GBP1: variants seen among roughly 807,000 people sequenced by gnomAD.
GBP1 encodes guanylate binding protein 1.
GBP1 carries 64 observed loss-of-function variants against 69.5 expected under a neutral mutation model. That is an observed-to-expected ratio of 0.92 (90% confidence interval 0.75 to 1.13). GBP1 has a LOEUF of 1.13. GBP1 is among the 50% of genes most tolerant of loss of function. The probability of loss-of-function intolerance (pLI) is 0.00; values close to 1 mark genes in which losing one functional copy is unlikely to be tolerated. For missense variants in GBP1, 630 were observed against 704.1 expected (o/e 0.89, Z 1.19); for synonymous variants, 250 against 261.2 (o/e 0.96, Z 0.41).
chr1:89,064,234 TGTGTGTGAGAGAGAGA>T (rs1290873805), intron 1 of GBP1, among the ~76,000 whole-genome samples: 10 of 116,462 alleles, frequency 8.6e-5, no homozygotes, highest in African/African-American at 3.3e-4. Context: ...TGTGTGTGTG[TGTGTGTGAGAGAGAGA>T]GAGAGAGAGA....
At chr1:89,060,585 A>G (rs1396891954) in intron 2 of GBP1, among the ~76,000 whole-genome samples, 2 of 152,158 alleles carry the variant, frequency 1.3e-5, no homozygotes, top group East Asian at 1.9e-4. Context: ...TGTATTAAAA[A>G]CCCACAGCTA....
chr1:89,059,052 C>T lies in GBP1; in HGVS notation c.429-9G>A, dbSNP rs771959249. ...TCAGCTCTGTCACATAGCTGAGTAG[C>T]TAACTAAGGAAATGTGACAAAATGA... On this transcript the variant is annotated splice_polypyrimidine_tract_variant and intron_variant, in intron 4 of 10. Coordinates refer to ENST00000370473, the MANE Select transcript of GBP1 (RefSeq NM_002053.3). The T allele has an allele frequency of 1.2e-5, 20 of 1,613,904 alleles. No homozygotes were observed. Among genetic ancestry groups the T allele is most frequent in the South Asian group, 3.3e-5 (3 of 91,078 alleles).
chr1:89,059,088 C>T (rs1394361669), intron 4 of GBP1, 45 bp from the exon 5 acceptor site: 6 of 1,611,898 alleles, frequency 3.7e-6, no homozygotes, highest in Non-Finnish European at 5.1e-6. Context: ...ACAGGGACCT[C>T]ATCCCATGTT....
intron 5 of GBP1, 113 bp downstream of exon 5, chr1:89,058,726 AGC>A (rs1467038706): frequency 1.3e-5 from 13 of 990,852 alleles, no homozygotes; most frequent in Non-Finnish European, 2.0e-5. Context: ...TTCTAGGAAT[AGC>A]CAGCTGAAGA....
rs138810487 is a variant in GBP1, at chr1:89,053,392, G to C, written c.1742C>G (p.Thr581Arg). The change falls in exon 11 of 11, where the codon ACG becomes AGG. Residue 581 changes from threonine to arginine, a missense_variant. Transcript: ENST00000370473. ...IMKNEIQDLQ[T>R]KMRRRKACTI... ...ACATGCCTTTCGTCGTCTCATTTTC[G>C]TCTGGAGATCCTGTATCTCATTTTT... 6.2e-7 allele frequency: 1 copy of C among 1,613,584 alleles called. No homozygotes were observed. The highest frequency in any genetic ancestry group is 2.2e-5 in the East Asian group (1 of 44,858).
At chr1:89,055,935 A>G (rs1271339285) in intron 8 of GBP1, 81 bp downstream of exon 8, 23 of 1,513,374 alleles carry the variant, frequency 1.5e-5, no homozygotes, top group Middle Eastern at 1.7e-4. Flanking sequence ...GCACATCTGT[A>G]TGCAGTGAAG....
At chr1:89,059,525 T>A in intron 3 of GBP1, 99 bp from the exon 4 acceptor site, 1 of 1,247,976 alleles carries the variant, frequency 8.0e-7, no homozygotes, top group Non-Finnish European at 1.1e-6. Flanking sequence ...TAGAGGGTTT[T>A]TTTTTCTTTT....
chr1:89,060,452 C>T, intron 2 of GBP1, 128 bp from the exon 3 acceptor site: 2 of 742,310 alleles, frequency 2.7e-6, no homozygotes, highest in East Asian at 3.3e-5. Context: ...ACCTTACGTA[C>T]TTACAATCAA....
intron 6 of GBP1, 49 bp from the exon 7 acceptor site, chr1:89,057,183 C>T (rs1423296462): frequency 6.2e-7 from 1 of 1,606,774 alleles, no homozygotes. Flanking sequence ...AAGAAAGTCT[C>T]TATTCCATGT....
chr1:89,055,306 A>T, intron 8 of GBP1, 91 bp from the exon 9 acceptor site: 1 of 1,579,350 alleles, frequency 6.3e-7, no homozygotes, highest in South Asian at 1.2e-5. Flanking sequence ...CTCCTCTGGG[A>T]ATTCTTTCTC....
intron 2 of GBP1, 70 bp from the exon 3 acceptor site, chr1:89,060,394 T>G (rs1680150630): frequency 7.3e-7 from 1 of 1,378,250 alleles, no homozygotes; most frequent in Non-Finnish European, 9.7e-7. Flanking sequence ...AAGGAAAAAG[T>G]AGTATATTTA....
chr1:89,064,319 A>G (rs1002119203), intron 1 of GBP1, among the ~76,000 whole-genome samples: 1 of 151,808 alleles, frequency 6.6e-6, no homozygotes, highest in Non-Finnish European at 1.5e-5. Context: ...GTGTCTTGAC[A>G]AGGCATTCAG....
chr1:89,063,225 C>G lies in GBP1; in HGVS notation c.10G>C (p.Glu4Gln). Residue 4 changes from glutamate to glutamine, a missense_variant, in exon 2 of 11, where the codon GAG becomes CAG. This residue lies in a region of GBP1 where 131 missense variants were observed against 138.5 expected (regional missense o/e 0.95). Transcript: ENST00000370473. ...CACATTGGGCCTGTCATGTGGATCT[C>G]TGATGCCATGTCCAGGCTGTTCCCT... MAS[E>Q]IHMTGPMCLI... The G allele has an allele frequency of 6.2e-7, 1 of 1,613,924 alleles. No individual in the cohort carries two copies. The highest frequency in any genetic ancestry group is 8.5e-7 in the Non-Finnish European group (1 of 1,179,870).
rs745742295 is a variant in GBP1 at position 89,057,056 on chromosome 1, G to A, written c.953C>T (p.Ala318Val). ...DLPCMENAVLALAQIENSAAV... is the reference protein window; with the variant it reads ...DLPCMENAVLVLAQIENSAAV... ...AGCTGAGTTCTCTATCTGGGCCAAG[G>A]CCAGGACTGCGTTCTCCATGCACGG... Residue 318 changes from alanine (A) to valine (V), a missense_variant, in exon 7 of 11, where the codon GCC (alanine) becomes GTC (valine). By Grantham distance (64) the Ala-to-Val change is moderately conservative (BLOSUM62 0). Around this residue, in one of 5 missense-constraint regions of GBP1, gnomAD observed 367 missense variants for 369.5 expected, o/e 0.99. Coordinates refer to ENST00000370473, the MANE Select transcript of GBP1 (RefSeq NM_002053.3). The A allele has an allele frequency of 1.2e-6, 2 of 1,614,210 alleles. No individual in the cohort carries two copies. The highest frequency in any genetic ancestry group is 1.3e-5 in the African/African-American group (1 of 75,052).
intron 2 of GBP1, chr1:89,062,656 A>G (rs1420049279): frequency 6.0e-6 from 1 of 167,606 alleles, no homozygotes; most frequent in South Asian, 1.6e-4. Flanking sequence ...TTTTTTTACA[A>G]CAACAAAAAA....
chr1:89,054,776 T>C lies in GBP1; in HGVS notation c.1571A>G (p.Tyr524Cys), dbSNP rs1680003495. 2.5e-6 allele frequency: 4 copies of C among 1,614,148 alleles called. No individual in the cohort carries two copies. The highest frequency in any genetic ancestry group is 3.4e-6 in the Non-Finnish European group (4 of 1,180,040). ...AGTCAGTTGTTTCAAGTGTTCCTGATAACTCCTCTCCTTCTGTTCCATCAT... is the reference window on the plus strand; with the variant it reads ...AGTCAGTTGTTTCAAGTGTTCCTGACAACTCCTCTCCTTCTGTTCCATCAT... ...EQMMEQKERSYQEHLKQLTEK... is the reference protein window; with the variant it reads ...EQMMEQKERSCQEHLKQLTEK... The change falls in exon 10 of 11, where the codon TAT (tyrosine) becomes TGT (cysteine). Residue 524 changes from tyrosine to cysteine, a missense_variant. Around this residue, in one of 5 missense-constraint regions of GBP1, gnomAD observed 35 missense variants for 68.6 expected, o/e 0.51. Transcript: ENST00000370473.
chr1:89,053,835 G>A (rs143765083), intron 10 of GBP1, among the ~76,000 whole-genome samples: 2 of 152,232 alleles, frequency 1.3e-5, no homozygotes, highest in African/African-American at 4.8e-5. Flanking sequence ...AAACAAACTG[G>A]GAGCAGGACA....
At chr1:89,056,782 T>C in intron 7 of GBP1, 72 bp downstream of exon 7, 6 of 1,491,042 alleles carry the variant, frequency 4.0e-6, no homozygotes, top group Non-Finnish European at 5.5e-6. Context: ...TCAAAATAAA[T>C]AATAGTTTTC....
chr1:89,055,228 A>G lies in GBP1; in HGVS notation c.1369-13T>C, dbSNP rs765142747. 67 of 1,612,950 alleles carry G rather than the reference A, an allele frequency of 4.2e-5. 2 individuals carry two copies. The South Asian group carries it at 6.6e-4, about 16-fold the overall frequency. ...GAATCTCTTCAGCCTTAGGACCCAG[A>G]GAACACAGAGTGAGAAGTAGGAAAT... On this transcript the variant is annotated splice_polypyrimidine_tract_variant and intron_variant, in intron 8 of 10. Coordinates refer to ENST00000370473, the MANE Select transcript of GBP1 (RefSeq NM_002053.3).
Sources: allele counts gnomAD v4.1 joint callset (sites outside exome capture counted in the v4.1 genomes callset), GRCh38; gene constraint gnomAD v4.1.1; regional missense constraint gnomAD v4.1.1; transcripts MANE v1.5; gene names NCBI Gene and HGNC (gene_info 2026-07-23, HGNC 2026-07-21).